Variants in PARP15 observed in about 807,000 individuals in gnomAD.
PARP15 encodes the protein protein mono-ADP-ribosyltransferase PARP15.
In PARP15, 50 loss-of-function variants were observed where a neutral mutation model predicts 62.1. The observed-to-expected ratio is 0.81, with a 90% CI of 0.64 to 1.02. PARP15 has a LOEUF of 1.02. Ranked by LOEUF, PARP15 falls within the 50% of genes least tolerant of loss-of-function variation. The pLI is 0.00. For missense variants in PARP15, 820 were observed against 826.5 expected (o/e 0.99, Z 0.10); for synonymous variants, 309 against 293.1 (o/e 1.05, Z -0.55).
intron 4 of PARP15, chr3:122,615,336 T>C (rs1935885681): frequency 4.6e-6 from 6 of 1,291,558 alleles, no homozygotes; most frequent in Non-Finnish European, 6.1e-6. Flanking sequence ...TATTTGTTGT[T>C]AATCAACCCC....
At chr3:122,584,584 T>C (rs1933262249) in intron 1 of PARP15, among the ~76,000 whole-genome samples, 1 of 142,966 alleles carries the variant, frequency 7.0e-6, no homozygotes, top group Non-Finnish European at 1.5e-5. Context: ...CTTTTTTTTT[T>C]TTTTCCGAGA....
intron 1 of PARP15, among the ~76,000 whole-genome samples, chr3:122,585,135 A>G (rs1933317078): frequency 6.6e-6 from 1 of 152,148 alleles, no homozygotes; most frequent in Non-Finnish European, 1.5e-5. Context: ...TTGCTTGTGT[A>G]ATGGAAAGCC....
intron 1 of PARP15, among the ~76,000 whole-genome samples, chr3:122,586,993 T>G (rs1933496296): frequency 6.6e-6 from 1 of 152,230 alleles, no homozygotes; most frequent in Non-Finnish European, 1.5e-5. Context: ...TTTTACTGTC[T>G]CCATAACTTT....
chr3:122,610,706 T>C lies in PARP15; in HGVS notation c.519T>C (p.Asn173=). ...AVLHAVAPYW[N]NGAETSWQIM... is the part of the protein sequence containing the mutation. Reference sequence around the variant, plus strand: ...TCCATGCTGTGGCTCCATACTGGAATAATGGAGCAGAGACTTCTTGGCAGG... The same window carrying C: ...TCCATGCTGTGGCTCCATACTGGAACAATGGAGCAGAGACTTCTTGGCAGG... The change falls in exon 3 of 12, where the codon AAT becomes AAC. Residue 173 remains asparagine (N), a synonymous_variant. Transcript: ENST00000464300. The C allele has an allele frequency of 1.3e-6, 2 of 1,532,872 alleles. No individual in the cohort carries two copies. Among genetic ancestry groups the C allele is most frequent in the South Asian group, 2.5e-5 (2 of 80,714 alleles). 95.0% of individuals were successfully genotyped at this position (1,532,872 alleles called of 1,614,324 possible). A position where few individuals can be genotyped will look rare whatever the true frequency, so the allele number is the denominator to read the frequency against.
At chr3:122,613,413 C>T in intron 4 of PARP15, 145 bp downstream of exon 4, 1 of 697,002 alleles carries the variant, frequency 1.4e-6, no homozygotes, top group Non-Finnish European at 2.4e-6. Flanking sequence ...TATGACTTAA[C>T]TATGAGCCAA....
rs150590223 is a variant in PARP15, at chr3:122,621,041, G to C, written c.1064-403G>C. 4.1e-3 allele frequency among the ~76,000 whole-genome samples: 630 copies of C among 152,208 alleles called. 4 individuals carry two copies. The highest frequency in any genetic ancestry group is 0.013 in the African/African-American group (557 of 41,530). On this transcript the variant is annotated intron_variant, in intron 7 of 11. Transcript: ENST00000464300. ...AATGTGCATAGAAATTGCTCTTCTGGGACAGCAGAGTGGGGGTTAAGAGCT... is the reference window on the plus strand; with the variant it reads ...AATGTGCATAGAAATTGCTCTTCTGCGACAGCAGAGTGGGGGTTAAGAGCT...
Position 122,613,123 on chromosome 3 carries a change from C to A in PARP15, c.626C>A (p.Thr209Lys). 1 of 1,551,772 alleles carries A rather than the reference C, an allele frequency of 6.4e-7. No individual in the cohort carries two copies. The highest frequency in any genetic ancestry group is 8.7e-7 in the Non-Finnish European group (1 of 1,146,968). Residue 209 changes from threonine to lysine, a missense_variant, in exon 4 of 12, where the codon ACA becomes AAA. Coordinates refer to ENST00000464300, the MANE Select transcript of PARP15 (RefSeq NM_001113523.3). ...FSSITFPMIGTGSLQFPKAVF... is the reference protein window; with the variant it reads ...FSSITFPMIGKGSLQFPKAVF... ...TCAATCACATTTCCCATGATTGGAA[C>A]AGGAAGTTTGCAGTTTCCCAAAGCT...
intron 3 of PARP15, 58 bp downstream of exon 3, chr3:122,610,788 T>A (rs1339452133): frequency 1.4e-6 from 2 of 1,419,712 alleles, no homozygotes; most frequent in East Asian, 5.0e-5. Flanking sequence ...CTCCTTCTGG[T>A]GTGGTATAGA....
rs1313109297 is a variant in PARP15 at position 122,610,678 on chromosome 3, T to C, written c.491T>C (p.Val164Ala). The stretch of plus-strand genomic sequence containing the variant: ...GGCTGCAATCTGGACTGCAAAGCTG[T>C]GCTCCATGCTGTGGCTCCATACTGG... ...TSGCNLDCKA[V>A]LHAVAPYWNN... The change falls in exon 3 of 12, where the codon GTG (valine) becomes GCG (alanine). Residue 164 changes from valine (V) to alanine (A), a missense_variant. Coordinates refer to ENST00000464300, the MANE Select transcript of PARP15 (RefSeq NM_001113523.3). The C allele has an allele frequency of 3.9e-6, 6 of 1,548,226 alleles. No homozygotes were observed. The highest frequency in any genetic ancestry group is 5.2e-6 in the Non-Finnish European group (6 of 1,145,112).
At position 122,605,963 on chromosome 3, in the gene PARP15, G is replaced by T. The variant is rs1193568021; in HGVS notation, c.214G>T (p.Asp72Tyr). 6.4e-7 allele frequency: 1 copy of T among 1,551,714 alleles called. No individual in the cohort carries two copies. Among genetic ancestry groups the T allele is most frequent in the African/African-American group, 1.4e-5 (1 of 73,158 alleles). Residue 72 changes from aspartate (D) to tyrosine (Y), a missense_variant, in exon 2 of 12, where the codon GAT (aspartate) becomes TAT (tyrosine). Around this residue, in one of 3 missense-constraint regions of PARP15, gnomAD observed 731 missense variants for 727.7 expected, o/e 1.00. Transcript: ENST00000464300. Reference protein sequence around the residue: ...MSRDNKFSKKDCLSIRNVVAS... With the variant: ...MSRDNKFSKKYCLSIRNVVAS... Reference sequence around the variant, plus strand: ...CAGAGACAACAAGTTCAGCAAGAAAGATTGTCTTTCAATCAGGAATGTTGT... The same window carrying T: ...CAGAGACAACAAGTTCAGCAAGAAATATTGTCTTTCAATCAGGAATGTTGT...
rs1396485723 is a variant in PARP15, at chr3:122,577,775, T to G, written c.108T>G (p.Asp36Glu). Residue 36 changes from aspartate to glutamate, a missense_variant, in exon 1 of 12, where the codon GAT (aspartate) becomes GAG (glutamate). By Grantham distance (45) the Asp-to-Glu change is conservative. Transcript: ENST00000464300. ...VAGVTSRAGR[D>E]REAGSVLPAG... ...GTGTTACTTCCAGAGCCGGACGAGA[T>G]CGGGAGGCGGGGAGCGTGCTGCCGG... 15 of 1,551,114 alleles carry G rather than the reference T, an allele frequency of 9.7e-6. No individual in the cohort carries two copies. The highest frequency in any genetic ancestry group is 1.2e-5 in the South Asian group (1 of 84,030).
chr3:122,610,089 C>T (rs1935452858), intron 2 of PARP15, among the ~76,000 whole-genome samples: 1 of 152,202 alleles, frequency 6.6e-6, no homozygotes, highest in Non-Finnish European at 1.5e-5. Flanking sequence ...TTTCTCCCTT[C>T]CCCTGTCTCT....
At chr3:122,594,732 G>T (rs1934203951) in intron 1 of PARP15, 2 of 971,400 alleles carry the variant, frequency 2.1e-6, no homozygotes. Flanking sequence ...CCAATAAGTT[G>T]ATTTTTACTT....
intron 8 of PARP15, among the ~76,000 whole-genome samples, chr3:122,624,883 A>G (rs75679969): frequency 0.034 from 5,101 of 152,190 alleles, 236 homozygotes; most frequent in African/African-American, 0.1. Context: ...CAAAACCTGG[A>G]TCCATCCTAT....
chr3:122,582,037 A>G (rs1226301633), intron 1 of PARP15, among the ~76,000 whole-genome samples: 1 of 152,206 alleles, frequency 6.6e-6, no homozygotes, highest in Non-Finnish European at 1.5e-5. Flanking sequence ...CTCACATTTT[A>G]CCATTTTCAT....
At chr3:122,626,176 G>C (rs1187811279) in intron 8 of PARP15, among the ~76,000 whole-genome samples, 2 of 150,778 alleles carry the variant, frequency 1.3e-5, no homozygotes, top group Non-Finnish European at 2.9e-5. Context: ...TGTATGATTG[G>C]TAATGCAGCA....
At chr3:122,587,411 C>G (rs1933530550) in intron 1 of PARP15, among the ~76,000 whole-genome samples, 2 of 152,232 alleles carry the variant, frequency 1.3e-5, no homozygotes, top group South Asian at 4.1e-4. Flanking sequence ...GCATTCCCAT[C>G]AACAACAAAT....
intron 2 of PARP15, among the ~76,000 whole-genome samples, chr3:122,608,544 T>C (rs115071663): frequency 0.016 from 2,474 of 152,232 alleles, 67 homozygotes; most frequent in African/African-American, 0.054. Context: ...AAATATTCCA[T>C]GCACCTTGAA....
At chr3:122,585,441 G>A (rs6779188) in intron 1 of PARP15, among the ~76,000 whole-genome samples, 1 of 151,954 alleles carries the variant, frequency 6.6e-6, no homozygotes, top group Non-Finnish European at 1.5e-5. Flanking sequence ...GTAGTGCTAA[G>A]AGACATGATC....
Sources: allele counts gnomAD v4.1 joint callset (sites outside exome capture counted in the v4.1 genomes callset), GRCh38; gene constraint gnomAD v4.1.1; regional missense constraint gnomAD v4.1.1; transcripts MANE v1.5; gene names NCBI Gene and HGNC (gene_info 2026-07-23, HGNC 2026-07-21).